TBP: variants seen among roughly 807,000 people sequenced by gnomAD.
TBP encodes TATA-box binding protein, also known as TATA-box-binding protein.
TBP carries 12 observed loss-of-function variants against 46.2 expected under a neutral mutation model. The ratio of observed to expected loss-of-function variants is 0.26; its 90% CI spans 0.17 to 0.42. The LOEUF (loss-of-function observed/expected upper bound fraction) is 0.42. Among genes scored for constraint, TBP ranks in the 10% least tolerant of loss-of-function variants. The pLI is 1.00. For synonymous variants in TBP, 157 were observed against 148.3 expected (o/e 1.06, Z -0.42); for missense variants, 229 against 403.1 (o/e 0.57, Z 3.70).
At chr6:170,563,926 G>A (rs966662824) in intron 3 of TBP, among the ~76,000 whole-genome samples, 9 of 152,034 alleles carry the variant, frequency 5.9e-5, no homozygotes, top group East Asian at 1.9e-4. Flanking sequence ...TAAGTTATTC[G>A]TTAAGTGATT....
intron 6 of TBP, among the ~76,000 whole-genome samples, chr6:170,570,196 C>T (rs1307303638): frequency 6.6e-6 from 1 of 152,182 alleles, no homozygotes; most frequent in African/African-American, 2.4e-5. Context: ...ATTATCTTCC[C>T]TGCTACTTGC....
intron 2 of TBP, among the ~76,000 whole-genome samples, chr6:170,559,925 C>T (rs1024595026): frequency 2.6e-5 from 4 of 152,162 alleles, no homozygotes; most frequent in Non-Finnish European, 4.4e-5. Context: ...TTAAGAATTA[C>T]GCTAAATCTA....
Position 170,572,082 on chromosome 6 carries a change from T to C in TBP, c.941-104T>C. 19 of 838,402 alleles carry C rather than the reference T, an allele frequency of 2.3e-5. No individual in the cohort carries two copies. The South Asian group carries it at 2.6e-4, about 12-fold the overall frequency. 51.9% of individuals were successfully genotyped at this position (838,402 alleles called of 1,614,324 possible). A position where few individuals can be genotyped will look rare whatever the true frequency, so the allele number is the denominator to read the frequency against. The stretch of plus-strand genomic sequence containing the variant: ...GCCTGTGCCTTAATCTGACTGGGTA[T>C]GGTGAGAATTGTGCTTGCAGCTTTA... On this transcript the variant is annotated intron_variant, in intron 7 of 7. Coordinates refer to ENST00000392092, the MANE Select transcript of TBP (RefSeq NM_003194.5).
At chr6:170,565,703 T>C (rs998316397) in intron 4 of TBP, among the ~76,000 whole-genome samples, 1 of 152,204 alleles carries the variant, frequency 6.6e-6, no homozygotes, top group African/African-American at 2.4e-5. Context: ...CTGGGACGTA[T>C]ATAAACTACT....
At chr6:170,561,074 A>G (rs565047333) in intron 2 of TBP, among the ~76,000 whole-genome samples, 40 of 152,196 alleles carry the variant, frequency 2.6e-4, no homozygotes, top group African/African-American at 9.4e-4. Context: ...TGCCACAGCT[A>G]CCACCCTGAT....
chr6:170,561,618 G>A (rs536425776), intron 2 of TBP, among the ~76,000 whole-genome samples, 173 bp from the exon 3 acceptor site: 1 of 152,238 alleles, frequency 6.6e-6, no homozygotes, highest in East Asian at 1.9e-4. Flanking sequence ...TGGTATTAAA[G>A]AAGAAAGCAA....
intron 6 of TBP, among the ~76,000 whole-genome samples, chr6:170,571,032 G>C (rs1197092443): frequency 1.3e-5 from 2 of 152,032 alleles, no homozygotes; most frequent in African/African-American, 4.8e-5. Flanking sequence ...ATGATTATTA[G>C]GACTGTAATA....
chr6:170,570,612 C>T (rs962122721), intron 6 of TBP, among the ~76,000 whole-genome samples: 2 of 152,194 alleles, frequency 1.3e-5, no homozygotes, highest in African/African-American at 4.8e-5. Flanking sequence ...GCAGGCAGAT[C>T]AGTTGAGTTC....
At chr6:170,558,469 C>T (rs1779075226) in intron 2 of TBP, among the ~76,000 whole-genome samples, 1 of 152,130 alleles carries the variant, frequency 6.6e-6, no homozygotes, top group Non-Finnish European at 1.5e-5. Context: ...GCTTGTCAGC[C>T]ACTCATACAC....
chr6:170,558,426 T>G (rs145394458), intron 2 of TBP, among the ~76,000 whole-genome samples: 52 of 152,362 alleles, frequency 3.4e-4, no homozygotes, highest in African/African-American at 1.2e-3. Context: ...TTTATTTGCC[T>G]GATTACTAAT....
intron 2 of TBP, among the ~76,000 whole-genome samples, chr6:170,558,681 TTTTC>T (rs1342144042): frequency 6.6e-6 from 1 of 151,850 alleles, no homozygotes; most frequent in Non-Finnish European, 1.5e-5. Flanking sequence ...AAACTTTTTT[TTTTC>T]TTTTTTTTTG....
chr6:170,561,686 C>T (rs1488365376), intron 2 of TBP, 105 bp from the exon 3 acceptor site: 9 of 1,519,414 alleles, frequency 5.9e-6, no homozygotes, highest in Middle Eastern at 2.1e-4. Context: ...CATTATTCTC[C>T]GAAGGCATCT....
At chr6:170,558,046 ATCCATTGTATAGCTAAGTATCAC>A (rs1358956212) in intron 2 of TBP, among the ~76,000 whole-genome samples, 1 of 152,184 alleles carries the variant, frequency 6.6e-6, no homozygotes, top group Non-Finnish European at 1.5e-5. Flanking sequence ...TCAGTAGTTA[ATCCATTGTATAGCTAAGTATCAC>A]TCCATTGTTT....
At position 170,565,999 on chromosome 6, in the gene TBP, A is replaced by G. The variant is rs184720719; in HGVS notation, c.586-919A>G. 4.7e-3 allele frequency among the ~76,000 whole-genome samples: 708 copies of G among 152,234 alleles called. 3 individuals are homozygous for G. Among genetic ancestry groups the G allele is most frequent in the African/African-American group, 0.016 (668 of 41,530 alleles). ...CAAGACAGAAGGATCTCTTGAGCTC[A>G]GGAATTCGAGGCTGCAGTGAGCCAT... On this transcript the variant is annotated intron_variant, in intron 4 of 7. Transcript: ENST00000392092.
At position 170,572,301 on chromosome 6, in the gene TBP, C is replaced by CTTTT; in HGVS notation, c.*46_*49dup. 2 of 1,210,086 alleles carry CTTTT rather than the reference C, an allele frequency of 1.7e-6. No individual in the cohort carries two copies. Among genetic ancestry groups the CTTTT allele is most frequent in the Non-Finnish European group, 1.2e-6 (1 of 867,006 alleles). The allele number at this position is 1,210,086 out of a possible 1,614,324, so 75.0% of individuals were successfully genotyped here. A position where few individuals can be genotyped will look rare whatever the true frequency, so the allele number is the denominator to read the frequency against. ...GTACCCTTGCCTCCCCCACCCCCTT[C>CTTTT]TTTTTTTTTTTTTAAACAAATCAGT... On this transcript the variant is annotated 3_prime_UTR_variant, in exon 8 of 8. Coordinates refer to ENST00000392092, the MANE Select transcript of TBP (RefSeq NM_003194.5).
chr6:170,572,040 A>G, intron 7 of TBP, 146 bp from the exon 8 acceptor site: 1 of 683,846 alleles, frequency 1.5e-6, no homozygotes, highest in Non-Finnish European at 2.6e-6. Context: ...AAGGGATTCC[A>G]CTATTAATGT....
chr6:170,561,049 C>A (rs970014691), intron 2 of TBP, among the ~76,000 whole-genome samples: 1 of 152,180 alleles, frequency 6.6e-6, no homozygotes, highest in Non-Finnish European at 1.5e-5. Context: ...CTTCGTCAGT[C>A]TTATTTTAAG....
chr6:170,572,475 CTG>C lies in TBP; in HGVS notation c.*213_*214del, dbSNP rs772937655. On this transcript the variant is annotated 3_prime_UTR_variant, in exon 8 of 8. Coordinates refer to ENST00000392092, the MANE Select transcript of TBP (RefSeq NM_003194.5). ...GCACTGAGAACACCGCGCAGCGTGA[CTG>C]TGAGTTGCTCATACCGTGCTGCTAT... 1.0e-5 allele frequency: 6 copies of C among 585,894 alleles called. No individual in the cohort carries two copies. The highest frequency in any genetic ancestry group is 1.8e-5 in the Non-Finnish European group (6 of 330,518). The allele number at this position is 585,894 out of a possible 1,614,324, so 36.3% of individuals were successfully genotyped here.
At chr6:170,556,381 G>C (rs1174248379) in intron 1 of TBP, among the ~76,000 whole-genome samples, 1 of 148,904 alleles carries the variant, frequency 6.7e-6, no homozygotes, top group Non-Finnish European at 1.5e-5. Context: ...TTTTTTAACA[G>C]TTTCATTACA....
Sources: gnomAD v4.1 joint callset for allele counts (sites outside exome capture counted in the v4.1 genomes callset) on GRCh38, gnomAD v4.1.1 for gene constraint, MANE v1.5 for transcripts, NCBI Gene and HGNC (gene_info 2026-07-23, HGNC 2026-07-21) for gene names.